The following RBFOX3 variants were observed in gnomAD, a reference collection of about 807,000 sequenced individuals.
The protein encoded by RBFOX3 is RNA binding protein fox-1 homolog 3.
A neutral mutation model predicts 48.7 loss-of-function variants in RBFOX3; 17 were observed. That is an observed-to-expected ratio of 0.35 (90% CI 0.24 to 0.52). RBFOX3 has a LOEUF of 0.52. Ranked by LOEUF, RBFOX3 falls within the 20% of genes least tolerant of loss-of-function variation. The pLI, the probability that RBFOX3 is intolerant of heterozygous loss-of-function variation, is 0.94. For missense variants in RBFOX3, 382 were observed against 497.5 expected, an observed-to-expected ratio of 0.77 and a Z score of 2.21; for synonymous variants, 212 against 209.5, an observed-to-expected ratio of 1.01 and a Z score of -0.10.
chr17:79,409,897 T>A (rs559938835), intron 2 of RBFOX3, among the ~76,000 whole-genome samples: 1 of 152,278 alleles, frequency 6.6e-6, no homozygotes, highest in South Asian at 2.1e-4. Flanking sequence ...CTGGCCCCTG[T>A]TGATGGGGTC....
intron 2 of RBFOX3, among the ~76,000 whole-genome samples, chr17:79,389,556 T>A (rs545899044): frequency 6.6e-6 from 1 of 152,346 alleles, no homozygotes; most frequent in South Asian, 2.1e-4. Flanking sequence ...TGTTAAACAC[T>A]GAGTCCCCCA....
intron 2 of RBFOX3, among the ~76,000 whole-genome samples, chr17:79,437,546 C>T (rs182123703): frequency 1.3e-5 from 2 of 152,350 alleles, no homozygotes; most frequent in African/African-American, 4.8e-5. Context: ...CCGGTAGGAG[C>T]TGGGCCCCCA....
intron 2 of RBFOX3, among the ~76,000 whole-genome samples, chr17:79,463,531 T>C (rs1259265603): frequency 2.1e-5 from 1 of 47,350 alleles, no homozygotes; most frequent in Non-Finnish European, 4.1e-5. Flanking sequence ...CCATCGCCAC[T>C]GCCACCTCCA....
intron 4 of RBFOX3, among the ~76,000 whole-genome samples, chr17:79,221,584 C>G (rs993984561): frequency 3.9e-5 from 6 of 152,242 alleles, no homozygotes; most frequent in African/African-American, 1.4e-4. Context: ...GGTCCCCCAA[C>G]CCAACTGTGT....
intron 2 of RBFOX3, among the ~76,000 whole-genome samples, chr17:79,356,022 T>C (rs1568100028): frequency 6.6e-6 from 1 of 152,206 alleles, no homozygotes; most frequent in African/African-American, 2.4e-5. Flanking sequence ...CAAATATCAC[T>C]GCGTCTGTAT....
In RBFOX3 at chr17:79,195,560, T is replaced by C. The variant is rs532178709; in HGVS notation, c.-34+40206A>G. 6.6e-6 allele frequency among the ~76,000 whole-genome samples: 1 copy of C among 152,366 alleles called. No homozygotes were observed. Among genetic ancestry groups the C allele is most frequent in the East Asian group, 1.9e-4 (1 of 5,190 alleles). ...CAAAAGGGTCTGCTCCATTTCAGTCTACGTTTCTTGGTTTCTGTCTGCTCT... is the reference window on the plus strand; with the variant it reads ...CAAAAGGGTCTGCTCCATTTCAGTCCACGTTTCTTGGTTTCTGTCTGCTCT... On this transcript the variant is annotated intron_variant, in intron 4 of 14. Coordinates refer to ENST00000693108, the MANE Select transcript of RBFOX3 (RefSeq NM_001350451.2). The surrounding 1 kb of genome is among the most constrained non-coding windows in gnomAD (Gnocchi z 5.3).
the RBFOX3 span, among the ~76,000 whole-genome samples, chr17:79,634,770 A>G: frequency 1.3e-5 from 2 of 151,940 alleles, no homozygotes; most frequent in East Asian, 3.9e-4. Context: ...CATTTCCTCA[A>G]TTATAAAACT....
rs930301992 is a variant in RBFOX3, at chr17:79,586,799, C to T, written c.-320+24027G>A. 2.1e-3 allele frequency among the ~76,000 whole-genome samples: 327 copies of T among 152,276 alleles called. 2 individuals carry two copies. The highest frequency in any genetic ancestry group is 3.7e-3 in the Non-Finnish European group (251 of 68,016). On this transcript the variant is annotated intron_variant, in intron 1 of 14. Transcript: ENST00000693108. ...TGTTGGAGAGTGTATTCTCCTGCAG[C>T]TTTTCAAATGCTACGTTTTCCTCTG...
At chr17:79,592,062 C>T (rs1048758380) in intron 1 of RBFOX3, among the ~76,000 whole-genome samples, 1 of 143,082 alleles carries the variant, frequency 7.0e-6, no homozygotes, top group Non-Finnish European at 1.5e-5. Context: ...TGGGTGTGTG[C>T]AGGGGTGGAG....
At chr17:79,294,577 A>G (rs1464011245) in intron 3 of RBFOX3, among the ~76,000 whole-genome samples, 4 of 152,128 alleles carry the variant, frequency 2.6e-5, no homozygotes, top group African/African-American at 9.7e-5. Context: ...TGGGATTATA[A>G]GCGTGAGCCA....
chr17:79,255,461 C>T (rs960312866), intron 3 of RBFOX3, among the ~76,000 whole-genome samples: 2 of 152,092 alleles, frequency 1.3e-5, no homozygotes, highest in Non-Finnish European at 2.9e-5. Flanking sequence ...AGAGCCCTGG[C>T]CCCCCATCTG....
chr17:79,120,798 T>C lies in RBFOX3; in HGVS notation c.-33-5050A>G, dbSNP rs541752988. ...GATAGACGGATGAGTTTAAAGACCA[T>C]GGATAAGTTGTTATCCTCCCTTCCT... On this transcript the variant is annotated intron_variant, in intron 4 of 14. Transcript: ENST00000693108. Among the ~76,000 whole-genome samples the C allele has an allele frequency of 5.9e-5, 9 of 152,070 alleles. No homozygotes were observed. The South Asian group carries it at 1.9e-3, about 32-fold the overall frequency.
chr17:79,112,918 G>GGGGGGGGGGGGGGGGA (rs2032478069), intron 5 of RBFOX3, among the ~76,000 whole-genome samples: 2 of 86,486 alleles, frequency 2.3e-5, no homozygotes, highest in African/African-American at 4.8e-5. Context: ...GGGGGGGTGG[G>GGGGGGGGGGGGGGGGA]CTGGGTAGGA....
chr17:79,371,026 A>G (rs1318315), intron 2 of RBFOX3, among the ~76,000 whole-genome samples: 103,171 of 152,112 alleles, frequency 0.68, 35,916 homozygotes, highest in Admixed American at 0.78. Flanking sequence ...GAAGGGGGAC[A>G]TGCACGGCAG....
rs145009542 is a variant in RBFOX3, at chr17:79,108,242, G to A, written c.223-1454C>T. 1.8e-3 allele frequency among the ~76,000 whole-genome samples: 279 copies of A among 152,338 alleles called. 1 individual carries two copies. Among genetic ancestry groups the A allele is most frequent in the African/African-American group, 6.2e-3 (259 of 41,582 alleles). Reference sequence around the variant, plus strand: ...CAGCCGTCTGGATCCTTTCTGGAGCGGCCGTAGAGGAGACTGGGGTCCCTT... The same window carrying A: ...CAGCCGTCTGGATCCTTTCTGGAGCAGCCGTAGAGGAGACTGGGGTCCCTT... On this transcript the variant is annotated intron_variant, in intron 5 of 14. Coordinates refer to ENST00000693108, the MANE Select transcript of RBFOX3 (RefSeq NM_001350451.2).
At chr17:79,097,872 CG>C in intron 9 of RBFOX3, 127 bp from the exon 10 acceptor site, 1 of 973,308 alleles carries the variant, frequency 1.0e-6, no homozygotes, top group Non-Finnish European at 1.6e-6. Flanking sequence ...CTCCCCGCGC[CG>C]GGCCCCCCTT....
intron 2 of RBFOX3, among the ~76,000 whole-genome samples, chr17:79,446,623 C>T (rs2072356619): frequency 1.3e-5 from 2 of 152,238 alleles, no homozygotes; most frequent in South Asian, 4.1e-4. Context: ...ACGGCAATGA[C>T]CCATGACCCA....
chr17:79,376,084 T>G (rs2147790672), intron 2 of RBFOX3, among the ~76,000 whole-genome samples: 1 of 152,296 alleles, frequency 6.6e-6, no homozygotes, highest in Admixed American at 6.5e-5. Context: ...GGAGTCTGAA[T>G]GCCCCAGAGC....
At chr17:79,116,408 G>A (rs533008331) in intron 4 of RBFOX3, among the ~76,000 whole-genome samples, 85 of 148,166 alleles carry the variant, frequency 5.7e-4, no homozygotes, top group African/African-American at 1.9e-3. Context: ...CCAGCTACTC[G>A]GGAGGCTGAG....
Sources: gnomAD v4.1 joint callset for allele counts (sites outside exome capture counted in the v4.1 genomes callset) on GRCh38, gnomAD v4.1.1 for gene constraint, Gnocchi (gnomAD v3.1) non-coding constraint, MANE v1.5 for transcripts, NCBI Gene and HGNC (gene_info 2026-07-23, HGNC 2026-07-21) for gene names.